Variants in MIPEP observed in about 807,000 individuals in gnomAD.
The protein encoded by MIPEP is mitochondrial intermediate peptidase.
Under a neutral mutation model 90.3 loss-of-function variants are expected in MIPEP, and 79 were observed. That is an observed-to-expected ratio of 0.87 (90% CI 0.73 to 1.05). The LOEUF is 1.05. Among genes scored for constraint, MIPEP ranks in the 50% least tolerant of loss-of-function variants. The pLI is 0.00. For synonymous variants in MIPEP, 334 were observed against 315.8 expected, an observed-to-expected ratio of 1.06 and a Z score of -0.61; for missense variants, 940 against 905.6, an observed-to-expected ratio of 1.04 and a Z score of -0.49.
At chr13:23,778,945 C>T (rs1332726792) in intron 16 of MIPEP, among the ~76,000 whole-genome samples, 2 of 152,186 alleles carry the variant, frequency 1.3e-5, no homozygotes, top group Non-Finnish European at 2.9e-5. Flanking sequence ...GAGGAGCCAC[C>T]TCTACTCATG....
chr13:23,840,993 T>C (rs779029336), intron 11 of MIPEP, among the ~76,000 whole-genome samples: 1 of 152,092 alleles, frequency 6.6e-6, no homozygotes, highest in African/African-American at 2.4e-5. Flanking sequence ...TCCAATGGAT[T>C]TGGGAATTAA....
chr13:23,762,385 G>A (rs1741201003), intron 16 of MIPEP, among the ~76,000 whole-genome samples: 1 of 152,152 alleles, frequency 6.6e-6, no homozygotes, highest in Non-Finnish European at 1.5e-5. Context: ...CTACACAGTG[G>A]CTTAAAAGAC....
intron 16 of MIPEP, among the ~76,000 whole-genome samples, chr13:23,778,006 A>G (rs1952736618): frequency 6.6e-6 from 1 of 152,232 alleles, no homozygotes; most frequent in African/African-American, 2.4e-5. Flanking sequence ...ATTTATAGAC[A>G]TCTATTGCTT....
chr13:23,864,571 A>C (rs1385571202), intron 7 of MIPEP, among the ~76,000 whole-genome samples: 1 of 152,002 alleles, frequency 6.6e-6, no homozygotes, highest in Non-Finnish European at 1.5e-5. Context: ...CCCCGTCTCT[A>C]CCAAAAATAC....
intron 18 of MIPEP, among the ~76,000 whole-genome samples, chr13:23,730,949 C>G (rs1327290654): frequency 6.6e-6 from 1 of 152,198 alleles, no homozygotes; most frequent in Non-Finnish European, 1.5e-5. Context: ...AGCTTTGCAA[C>G]TTAGTAACTG....
At position 23,870,059 on chromosome 13, in the gene MIPEP, T is replaced by G; in HGVS notation, c.740A>C (p.Asp247Ala). ...HIRRNFTSAG[D>A]HIIIDGLHAE... ...GTGGAGACCATCAATTATGATATGA[T>G]CCCCAGCAGATGTAAAGTTACGACG... The change falls in exon 6 of 19, where the codon GAT becomes GCT. Residue 247 changes from aspartate (D) to alanine (A), a missense_variant. Asp to Ala is a moderately radical substitution (Grantham distance 126). Coordinates refer to ENST00000382172, the MANE Select transcript of MIPEP (RefSeq NM_005932.4). 3 of 1,612,346 alleles carry G rather than the reference T, an allele frequency of 1.9e-6. No homozygotes were observed. The highest frequency in any genetic ancestry group is 2.5e-6 in the Non-Finnish European group (3 of 1,179,154).
chr13:23,801,936 T>C (rs765720905), intron 16 of MIPEP, among the ~76,000 whole-genome samples: 1 of 152,206 alleles, frequency 6.6e-6, no homozygotes, highest in African/African-American at 2.4e-5. Flanking sequence ...CAGAAAAGTA[T>C]ACCTGGTAGA....
At position 23,814,390 on chromosome 13, in the gene MIPEP, T is replaced by C. The variant is rs147856145; in HGVS notation, c.1654-4466A>G. On this transcript the variant is annotated intron_variant, in intron 14 of 18. Transcript: ENST00000382172. ...TCCTGCCTCAGCCTCCCGAGTAGAG[T>C]AGCTGGGACTACAGGCGCCCGCCAC... Among the ~76,000 whole-genome samples, 271 of 151,924 alleles carry C rather than the reference T, an allele frequency of 1.8e-3. 6 individuals are homozygous for C. In the East Asian group the frequency reaches 0.045, roughly 25 times the overall value.
At chr13:23,792,103 A>C (rs1593156919) in intron 16 of MIPEP, among the ~76,000 whole-genome samples, 1 of 149,326 alleles carries the variant, frequency 6.7e-6, no homozygotes, top group East Asian at 2.0e-4. Flanking sequence ...GTTCCTCCTC[A>C]CTGTCCCCGC....
At chr13:23,872,998 A>G (rs766946964) in intron 5 of MIPEP, among the ~76,000 whole-genome samples, 2 of 152,262 alleles carry the variant, frequency 1.3e-5, no homozygotes, top group African/African-American at 4.8e-5. Context: ...TTGTAAGCCT[A>G]GAAGTTAGAT....
At chr13:23,761,448 T>C (rs1168052476) in intron 16 of MIPEP, among the ~76,000 whole-genome samples, 1 of 152,116 alleles carries the variant, frequency 6.6e-6, no homozygotes, top group African/African-American at 2.4e-5. Flanking sequence ...AGGAGAGAAT[T>C]TGGAGTCTGG....
At chr13:23,785,152 G>A (rs1245351568) in intron 16 of MIPEP, among the ~76,000 whole-genome samples, 1 of 152,148 alleles carries the variant, frequency 6.6e-6, no homozygotes, top group African/African-American at 2.4e-5. Flanking sequence ...TATACCCAGA[G>A]GATTATAAAT....
intron 14 of MIPEP, among the ~76,000 whole-genome samples, chr13:23,821,939 C>T (rs1253441902): frequency 6.6e-6 from 1 of 151,836 alleles, no homozygotes; most frequent in Non-Finnish European, 1.5e-5. Context: ...ACAGAAGGGC[C>T]AAATGTATTT....
rs544052025 is a variant in MIPEP, at chr13:23,814,406, C to T, written c.1654-4482G>A. ...CGAGTAGAGTAGCTGGGACTACAGG[C>T]GCCCGCCACCACGCCTGGCTAATTT... On this transcript the variant is annotated intron_variant, in intron 14 of 18. Coordinates refer to ENST00000382172, the MANE Select transcript of MIPEP (RefSeq NM_005932.4). Among the ~76,000 whole-genome samples the T allele has an allele frequency of 3.3e-3, 500 of 152,126 alleles. 2 individuals carry two copies. Among genetic ancestry groups the T allele is most frequent in the African/African-American group, 0.012 (486 of 41,510 alleles).
chr13:23,859,234 A>G (rs1870182599), intron 9 of MIPEP, among the ~76,000 whole-genome samples: 2 of 152,212 alleles, frequency 1.3e-5, no homozygotes, highest in South Asian at 2.1e-4. Flanking sequence ...TTTTCCCAAA[A>G]TGTAACCCAT....
At chr13:23,865,685 T>C (rs1427793294) in intron 7 of MIPEP, among the ~76,000 whole-genome samples, 2 of 152,044 alleles carry the variant, frequency 1.3e-5, no homozygotes, top group Non-Finnish European at 1.5e-5. Context: ...TTTTTTTTTT[T>C]TTGAGATGGA....
chr13:23,813,885 C>T (rs1593169431), intron 14 of MIPEP, among the ~76,000 whole-genome samples: 1 of 152,200 alleles, frequency 6.6e-6, no homozygotes, highest in East Asian at 1.9e-4. Flanking sequence ...CAGAGCAGCA[C>T]AGATGTTTAA....
At chr13:23,880,815 T>C (rs1177664643) in intron 3 of MIPEP, among the ~76,000 whole-genome samples, 1 of 152,240 alleles carries the variant, frequency 6.6e-6, no homozygotes, top group African/African-American at 2.4e-5. Context: ...TCTTGAAGTG[T>C]TGGGTCTTCC....
At chr13:23,817,794 AT>A (rs1176250677) in intron 14 of MIPEP, among the ~76,000 whole-genome samples, 7 of 152,046 alleles carry the variant, frequency 4.6e-5, no homozygotes, top group African/African-American at 1.7e-4. Flanking sequence ...TCCATCCAAA[AT>A]TTGTTTTACT....
Sources: gnomAD v4.1 joint callset for allele counts (sites outside exome capture counted in the v4.1 genomes callset) on GRCh38, gnomAD v4.1.1 for gene constraint, MANE v1.5 for transcripts, NCBI Gene and HGNC (gene_info 2026-07-23, HGNC 2026-07-21) for gene names.